Variants in SCHIP1 observed in about 807,000 individuals in gnomAD.
SCHIP1 encodes schwannomin-interacting protein 1.
Under a neutral mutation model 29.7 loss-of-function variants are expected in SCHIP1, and 8 were observed. The observed-to-expected ratio is 0.27, with a 90% CI of 0.16 to 0.49. The LOEUF (loss-of-function observed/expected upper bound fraction) is 0.49. Ranked by LOEUF, SCHIP1 falls within the 20% of genes least tolerant of loss-of-function variation. SCHIP1 has a pLI of 0.99. For synonymous variants in SCHIP1, 76 were observed against 94.9 expected (o/e 0.80, Z 1.16); for missense variants, 193 against 294.6 (o/e 0.66, Z 2.52).
At chr3:159,736,486 C>T in the SCHIP1 span, among the ~76,000 whole-genome samples, 1 of 152,162 alleles carries the variant, frequency 6.6e-6, no homozygotes, top group East Asian at 1.9e-4. Flanking sequence ...CCCTTCTTCC[C>T]CAACTCCCCA....
the SCHIP1 span, among the ~76,000 whole-genome samples, chr3:159,313,525 T>C: frequency 6.6e-6 from 1 of 152,184 alleles, no homozygotes; most frequent in Non-Finnish European, 1.5e-5. Context: ...ATGCAAACAT[T>C]TTAAATTTCA....
At chr3:159,656,806 A>G in the SCHIP1 span, among the ~76,000 whole-genome samples, 1 of 152,184 alleles carries the variant, frequency 6.6e-6, no homozygotes, top group Non-Finnish European at 1.5e-5. Context: ...CAGGTGAAAA[A>G]ACAGGCTCAG....
chr3:159,365,862 C>CT, the SCHIP1 span, among the ~76,000 whole-genome samples: 4 of 152,146 alleles, frequency 2.6e-5, no homozygotes, highest in Non-Finnish European at 4.4e-5. Flanking sequence ...CTAAGACCCC[C>CT]TCTCTTGATT....
the SCHIP1 span, among the ~76,000 whole-genome samples, chr3:159,293,013 G>A: frequency 1.3e-5 from 2 of 152,082 alleles, no homozygotes; most frequent in South Asian, 4.1e-4. Flanking sequence ...TTATCTGATG[G>A]TCATCTCAAC....
chr3:159,855,723 T>C (rs1221983037), intron 1 of SCHIP1, among the ~76,000 whole-genome samples: 1 of 152,110 alleles, frequency 6.6e-6, no homozygotes, highest in East Asian at 1.9e-4. Context: ...TCAAAAACAA[T>C]TAAAAAATTG....
At chr3:159,617,533 CTCT>C in the SCHIP1 span, among the ~76,000 whole-genome samples, 2 of 152,128 alleles carry the variant, frequency 1.3e-5, no homozygotes, top group Admixed American at 6.6e-5. Flanking sequence ...GACTTTTCAT[CTCT>C]TCTTTTGTGG....
chr3:159,482,002 A>T, the SCHIP1 span, among the ~76,000 whole-genome samples: 2 of 152,094 alleles, frequency 1.3e-5, no homozygotes, highest in South Asian at 4.1e-4. Flanking sequence ...GTGTTAGGGG[A>T]GGTGGTATGA....
At chr3:159,652,995 C>T in the SCHIP1 span, among the ~76,000 whole-genome samples, 1 of 151,698 alleles carries the variant, frequency 6.6e-6, no homozygotes, top group African/African-American at 2.4e-5. Flanking sequence ...GATTGGTGGT[C>T]GACAGAGGCC....
the SCHIP1 span, chr3:159,765,103 C>G: frequency 1.9e-6 from 3 of 1,571,162 alleles, no homozygotes; most frequent in Non-Finnish European, 2.6e-6. Flanking sequence ...GCAGGAGGTA[C>G]GGAACCAGGG....
At chr3:159,306,284 C>T in the SCHIP1 span, among the ~76,000 whole-genome samples, 1 of 147,282 alleles carries the variant, frequency 6.8e-6, no homozygotes, top group African/African-American at 2.5e-5. Context: ...TAGTGAAATA[C>T]TCCCACCATG....
the SCHIP1 span, among the ~76,000 whole-genome samples, chr3:159,531,497 C>T: frequency 6.6e-6 from 1 of 152,170 alleles, no homozygotes; most frequent in Admixed American, 6.5e-5. Context: ...CTTCATGAAA[C>T]TTAGTAAGAT....
At chr3:159,406,605 A>C in the SCHIP1 span, among the ~76,000 whole-genome samples, 1 of 152,256 alleles carries the variant, frequency 6.6e-6, no homozygotes, top group African/African-American at 2.4e-5. Flanking sequence ...TAACACTGTA[A>C]TTGTGATGTG....
the SCHIP1 span, among the ~76,000 whole-genome samples, chr3:159,438,375 T>C: frequency 6.6e-6 from 1 of 152,022 alleles, no homozygotes; most frequent in Non-Finnish European, 1.5e-5. Context: ...ATCCCCTCAA[T>C]CCAGAGCAAG....
At chr3:159,517,746 A>G in the SCHIP1 span, among the ~76,000 whole-genome samples, 5 of 152,040 alleles carry the variant, frequency 3.3e-5, no homozygotes, top group African/African-American at 1.2e-4. Flanking sequence ...AGTACACCCT[A>G]AAACCTTCTT....
chr3:159,291,531 G>C, the SCHIP1 span, among the ~76,000 whole-genome samples: 1 of 152,068 alleles, frequency 6.6e-6, no homozygotes, highest in Non-Finnish European at 1.5e-5. Context: ...TATGATCTAA[G>C]ACAATCATGA....
the SCHIP1 span, chr3:159,722,472 A>G: frequency 6.6e-6 from 1 of 152,260 alleles, no homozygotes; most frequent in African/African-American, 2.4e-5. Context: ...GCATCTCATC[A>G]AATCCACAGG....
At chr3:159,704,536 A>G in the SCHIP1 span, among the ~76,000 whole-genome samples, 1 of 151,976 alleles carries the variant, frequency 6.6e-6, no homozygotes, top group Non-Finnish European at 1.5e-5. Context: ...CATGCTCTTT[A>G]AATAAGGAAA....
At chr3:159,803,742 G>C in the SCHIP1 span, among the ~76,000 whole-genome samples, 5 of 152,294 alleles carry the variant, frequency 3.3e-5, no homozygotes, top group East Asian at 9.7e-4. Context: ...GAATGTTTAG[G>C]GACCTGGCTA....
At chr3:159,274,254 G>C in the SCHIP1 span, 1 of 985,194 alleles carries the variant, frequency 1.0e-6, no homozygotes, top group Non-Finnish European at 1.2e-6. Flanking sequence ...ACTCTCTTTG[G>C]AAAGTAGTTC....
Sources: gnomAD v4.1 joint callset for allele counts (sites outside exome capture counted in the v4.1 genomes callset) on GRCh38, gnomAD v4.1.1 for gene constraint, MANE v1.5 for transcripts, NCBI Gene and HGNC (gene_info 2026-07-23, HGNC 2026-07-21) for gene names.